Variants in FSTL4 observed in about 807,000 individuals in gnomAD.
FSTL4 encodes the protein follistatin-related protein 4.
In FSTL4, 28 loss-of-function variants were observed where a neutral mutation model predicts 78.2. That is an observed-to-expected ratio of 0.36 (90% confidence interval 0.27 to 0.49). FSTL4 has a LOEUF of 0.49. Among genes scored for constraint, FSTL4 ranks in the 20% least tolerant of loss-of-function variants. The probability of loss-of-function intolerance (pLI) is 0.98; values close to 1 mark genes in which losing one functional copy is unlikely to be tolerated. For synonymous variants in FSTL4, 422 were observed against 440.5 expected (o/e 0.96, Z 0.53); for missense variants, 922 against 1,084.9 (o/e 0.85, Z 2.11).
intron 4 of FSTL4, among the ~76,000 whole-genome samples, chr5:133,377,263 T>C (rs975812707): frequency 6.6e-6 from 1 of 151,584 alleles, no homozygotes. Flanking sequence ...CTCACCCCAG[T>C]TTACTCATAG....
intron 2 of FSTL4, among the ~76,000 whole-genome samples, chr5:133,591,634 G>T (rs1194016162): frequency 6.6e-6 from 1 of 152,100 alleles, no homozygotes; most frequent in Non-Finnish European, 1.5e-5. Context: ...CCCAAGCTGA[G>T]CCAATAAGGC....
At chr5:133,384,609 C>T (rs549504507) in intron 4 of FSTL4, among the ~76,000 whole-genome samples, 4 of 152,314 alleles carry the variant, frequency 2.6e-5, no homozygotes, top group South Asian at 2.1e-4. Context: ...CCCACTCCCC[C>T]GATTCAGGCT....
chr5:133,729,941 C>A, the FSTL4 span, among the ~76,000 whole-genome samples: 5 of 152,180 alleles, frequency 3.3e-5, no homozygotes, highest in Admixed American at 3.3e-4. Flanking sequence ...ACACTCTTGA[C>A]TCTCATTCTG....
At chr5:133,489,644 T>C (rs1758216857) in intron 3 of FSTL4, among the ~76,000 whole-genome samples, 1 of 152,154 alleles carries the variant, frequency 6.6e-6, no homozygotes, top group South Asian at 2.1e-4. Flanking sequence ...AGTTCCCTTT[T>C]AGCACATAGA....
Position 133,361,411 on chromosome 5 carries a change from C to G in FSTL4, c.409+39327G>C, listed in dbSNP as rs1429950967. On this transcript the variant is annotated intron_variant, in intron 4 of 15. Coordinates refer to ENST00000265342, the MANE Select transcript of FSTL4 (RefSeq NM_015082.2). The surrounding 1 kb of genome is among the most constrained non-coding windows in gnomAD (Gnocchi z 4.3). ...CCCTTTCTGTCATCTGCAGTTTCTT[C>G]TACAACAGCAGCAGGCCCTCTCTTG... Among the ~76,000 whole-genome samples, 1 of 152,186 alleles carries G rather than the reference C, an allele frequency of 6.6e-6. No individual in the cohort carries two copies. Among genetic ancestry groups the G allele is most frequent in the Non-Finnish European group, 1.5e-5 (1 of 68,030 alleles).
At chr5:133,334,656 AAT>A (rs1754425052) in intron 4 of FSTL4, among the ~76,000 whole-genome samples, 1 of 152,210 alleles carries the variant, frequency 6.6e-6, no homozygotes, top group African/African-American at 2.4e-5. Flanking sequence ...GATGTTTCTC[AAT>A]ATGTCTGAAA....
chr5:133,613,993 C>A (rs1761157604), upstream of FSTL4, among the ~76,000 whole-genome samples: 1 of 152,106 alleles, frequency 6.6e-6, no homozygotes, highest in African/African-American at 2.4e-5. Flanking sequence ...AGGGATGGCA[C>A]TTTTCATCTT....
intron 3 of FSTL4, among the ~76,000 whole-genome samples, chr5:133,420,625 C>A (rs923244301): frequency 6.6e-6 from 1 of 152,168 alleles, no homozygotes; most frequent in Non-Finnish European, 1.5e-5. Context: ...GATGGTGCCA[C>A]CATAGCAGCA....
chr5:133,201,176 A>G (rs918141442), intron 15 of FSTL4, among the ~76,000 whole-genome samples: 1 of 152,350 alleles, frequency 6.6e-6, no homozygotes, highest in Non-Finnish European at 1.5e-5. Context: ...ATAGTGCTAC[A>G]AGACATTTGG....
At chr5:133,272,584 C>T (rs1752791432) in intron 6 of FSTL4, among the ~76,000 whole-genome samples, 1 of 152,198 alleles carries the variant, frequency 6.6e-6, no homozygotes, top group South Asian at 2.1e-4. Context: ...CTTCTTATTG[C>T]AACATATTAC....
the FSTL4 span, among the ~76,000 whole-genome samples, chr5:133,724,093 A>G: frequency 6.6e-6 from 1 of 152,200 alleles, no homozygotes; most frequent in East Asian, 1.9e-4. Flanking sequence ...ATATGGCACA[A>G]TGTAGTCACA....
intron 8 of FSTL4, among the ~76,000 whole-genome samples, chr5:133,230,455 A>G (rs572661606): frequency 6.6e-6 from 1 of 152,314 alleles, no homozygotes; most frequent in South Asian, 2.1e-4. Flanking sequence ...AGGGTGTGGA[A>G]TGAATCATTC....
At chr5:133,353,946 G>A (rs1754886477) in intron 4 of FSTL4, among the ~76,000 whole-genome samples, 1 of 152,196 alleles carries the variant, frequency 6.6e-6, no homozygotes, top group East Asian at 1.9e-4. Flanking sequence ...AGGACAGGCA[G>A]GCCAGAGTTA....
At chr5:133,222,420 C>T (rs1751168615) in intron 11 of FSTL4, among the ~76,000 whole-genome samples, 2 of 152,296 alleles carry the variant, frequency 1.3e-5, no homozygotes, top group South Asian at 2.1e-4. Flanking sequence ...TCACCCACAG[C>T]GGGAACTTCT....
intron 8 of FSTL4, among the ~76,000 whole-genome samples, chr5:133,227,614 G>C (rs574924720): frequency 5.3e-5 from 8 of 152,182 alleles, no homozygotes; most frequent in Admixed American, 4.6e-4. Context: ...CCAGGACCTG[G>C]GGTTAATAAG....
intron 11 of FSTL4, among the ~76,000 whole-genome samples, chr5:133,223,811 T>C (rs1751237801): frequency 6.6e-6 from 1 of 151,690 alleles, no homozygotes; most frequent in East Asian, 1.9e-4. Context: ...GTACAGTGAC[T>C]ATCTAGTAGA....
At chr5:133,654,526 C>A in the FSTL4 span, among the ~76,000 whole-genome samples, 3 of 152,178 alleles carry the variant, frequency 2.0e-5, no homozygotes, top group Non-Finnish European at 4.4e-5. Context: ...CTGCTCTGGG[C>A]CACAAGTGCT....
chr5:133,546,961 G>T (rs1462537376), intron 3 of FSTL4, among the ~76,000 whole-genome samples: 10 of 152,198 alleles, frequency 6.6e-5, no homozygotes. Flanking sequence ...AAAGGATATT[G>T]TGAACACCCT....
the FSTL4 span, among the ~76,000 whole-genome samples, chr5:133,798,525 A>G: frequency 6.6e-6 from 1 of 152,012 alleles, no homozygotes; most frequent in Non-Finnish European, 1.5e-5. Flanking sequence ...AACTTAAAAA[A>G]AAAAAAGACA....
Sources: allele counts gnomAD v4.1 joint callset (sites outside exome capture counted in the v4.1 genomes callset), GRCh38; gene constraint gnomAD v4.1.1; non-coding constraint Gnocchi (gnomAD v3.1); transcripts MANE v1.5; gene names NCBI Gene and HGNC (gene_info 2026-07-23, HGNC 2026-07-21).